The following EPHB1 variants were observed in gnomAD, a reference collection of about 807,000 sequenced individuals.
EPHB1 encodes the protein EPH receptor B1.
A neutral mutation model predicts 94.4 loss-of-function variants in EPHB1; 30 were observed. The ratio of observed to expected loss-of-function variants is 0.32; its 90% CI spans 0.24 to 0.43. The LOEUF (loss-of-function observed/expected upper bound fraction) is 0.43. Among genes scored for constraint, EPHB1 ranks in the 20% least tolerant of loss-of-function variants. The probability of loss-of-function intolerance (pLI) is 1.00; values close to 1 mark genes in which losing one functional copy is unlikely to be tolerated. For missense variants in EPHB1, 1,055 were observed against 1,308.3 expected, an observed-to-expected ratio of 0.81 and a Z score of 2.99; for synonymous variants, 522 against 489.1, an observed-to-expected ratio of 1.07 and a Z score of -0.89.
At chr3:135,123,505 C>A (rs1940066239) in intron 4 of EPHB1, among the ~76,000 whole-genome samples, 1 of 152,006 alleles carries the variant, frequency 6.6e-6, no homozygotes, top group Admixed American at 6.5e-5. Context: ...GTGATATGAA[C>A]AAGTTTCATC....
At chr3:134,804,527 G>T (rs2035999165) in intron 1 of EPHB1, among the ~76,000 whole-genome samples, 1 of 152,134 alleles carries the variant, frequency 6.6e-6, no homozygotes, top group African/African-American at 2.4e-5. Flanking sequence ...GTTGCAGTTG[G>T]CATCTGTGCC....
intron 12 of EPHB1, among the ~76,000 whole-genome samples, chr3:135,237,345 C>G (rs1306854095): frequency 6.6e-6 from 1 of 151,882 alleles, no homozygotes; most frequent in African/African-American, 2.4e-5. Context: ...TATCGTATAT[C>G]TGAGTTAAGA....
At chr3:134,971,914 T>C (rs1185397111) in intron 3 of EPHB1, among the ~76,000 whole-genome samples, 1 of 152,130 alleles carries the variant, frequency 6.6e-6, no homozygotes, top group Non-Finnish European at 1.5e-5. Context: ...TGGGAGGAGC[T>C]GCTGATTTTT....
At chr3:135,239,399 A>T (rs1422417068) in intron 12 of EPHB1, among the ~76,000 whole-genome samples, 1 of 152,152 alleles carries the variant, frequency 6.6e-6, no homozygotes, top group Non-Finnish European at 1.5e-5. Flanking sequence ...TGGGCAGTAT[A>T]AAAATATCCT....
intron 5 of EPHB1, 26 bp from the exon 6 acceptor site, chr3:135,154,126 T>C (rs1292595429): frequency 1.2e-6 from 2 of 1,613,698 alleles, no homozygotes; most frequent in Non-Finnish European, 1.7e-6. Flanking sequence ...TCTGTTCAGC[T>C]ACCCTGTTTC....
chr3:134,844,832 G>T (rs868419008), intron 1 of EPHB1, among the ~76,000 whole-genome samples: 12 of 152,118 alleles, frequency 7.9e-5, no homozygotes, highest in South Asian at 2.1e-4. Flanking sequence ...TTCAAAGAGA[G>T]TTTGCCTGCC....
At chr3:134,819,250 T>C (rs545763564) in intron 1 of EPHB1, among the ~76,000 whole-genome samples, 66 of 152,242 alleles carry the variant, frequency 4.3e-4, no homozygotes, top group African/African-American at 1.5e-3. Context: ...GAGCTTCTGT[T>C]TGATGTGTGT....
intron 3 of EPHB1, among the ~76,000 whole-genome samples, chr3:135,068,576 A>T (rs922460771): frequency 4.6e-5 from 7 of 150,926 alleles, no homozygotes; most frequent in Middle Eastern, 3.4e-3. Flanking sequence ...TGATTTACAT[A>T]TATTTTCTAC....
intron 3 of EPHB1, among the ~76,000 whole-genome samples, chr3:134,968,800 T>A (rs1178855775): frequency 6.6e-6 from 1 of 152,202 alleles, no homozygotes; most frequent in East Asian, 1.9e-4. Context: ...TTAAATGAAA[T>A]GATGTATTAT....
intron 1 of EPHB1, among the ~76,000 whole-genome samples, chr3:134,857,752 C>A (rs1578142747): frequency 1.3e-5 from 2 of 152,290 alleles, no homozygotes; most frequent in East Asian, 1.9e-4. Context: ...GGAGCCTGGG[C>A]CACTAAATCT....
chr3:135,204,557 G>C (rs555458776), intron 12 of EPHB1, among the ~76,000 whole-genome samples: 1 of 151,988 alleles, frequency 6.6e-6, no homozygotes, highest in African/African-American at 2.4e-5. Flanking sequence ...CTGGAGGGCA[G>C]TGGTGCGATC....
chr3:134,925,481 T>C (rs1014025830), intron 1 of EPHB1, among the ~76,000 whole-genome samples: 2 of 152,160 alleles, frequency 1.3e-5, no homozygotes, highest in Admixed American at 1.3e-4. Flanking sequence ...GGAAGAATAA[T>C]CTGGGAAGAA....
chr3:134,878,623 T>C (rs2037664666), intron 1 of EPHB1, among the ~76,000 whole-genome samples: 1 of 152,134 alleles, frequency 6.6e-6, no homozygotes, highest in African/African-American at 2.4e-5. Flanking sequence ...GTGACAACTG[T>C]GATTATAGAG....
At chr3:135,116,362 G>A (rs1331717676) in intron 4 of EPHB1, among the ~76,000 whole-genome samples, 1 of 152,162 alleles carries the variant, frequency 6.6e-6, no homozygotes, top group Non-Finnish European at 1.5e-5. Flanking sequence ...ACAAATCTGT[G>A]TACAACCTGT....
At chr3:135,060,996 A>T (rs1259332098) in intron 3 of EPHB1, among the ~76,000 whole-genome samples, 2 of 151,786 alleles carry the variant, frequency 1.3e-5, no homozygotes, top group African/African-American at 4.8e-5. Flanking sequence ...TTTGTCCATG[A>T]GTTCAATTGT....
intron 9 of EPHB1, among the ~76,000 whole-genome samples, chr3:135,168,742 C>T (rs1003979554): frequency 6.6e-6 from 1 of 152,160 alleles, no homozygotes; most frequent in African/African-American, 2.4e-5. Context: ...TCATGAGCCA[C>T]TGTAAGGTCC....
intron 1 of EPHB1, among the ~76,000 whole-genome samples, chr3:134,906,825 G>A (rs1309502594): frequency 6.6e-6 from 1 of 152,198 alleles, no homozygotes; most frequent in Non-Finnish European, 1.5e-5. Context: ...GTGCTGCTTT[G>A]CAGCCCAGAG....
intron 1 of EPHB1, among the ~76,000 whole-genome samples, chr3:134,844,685 A>G (rs921210474): frequency 1.3e-5 from 2 of 152,152 alleles, no homozygotes; most frequent in Non-Finnish European, 2.9e-5. Flanking sequence ...CTAGGCAAGA[A>G]TGCCACAGGT....
At chr3:135,181,771 G>A (rs1276334387) in intron 10 of EPHB1, among the ~76,000 whole-genome samples, 1 of 151,800 alleles carries the variant, frequency 6.6e-6, no homozygotes, top group African/African-American at 2.4e-5. Context: ...ACCAGCTGCT[G>A]GATGCCTGTA....
Sources: gnomAD v4.1 joint callset for allele counts (sites outside exome capture counted in the v4.1 genomes callset) on GRCh38, gnomAD v4.1.1 for gene constraint, MANE v1.5 for transcripts, NCBI Gene and HGNC (gene_info 2026-07-23, HGNC 2026-07-21) for gene names.